The following UVRAG variants were observed in gnomAD, a reference collection of about 807,000 sequenced individuals.
UVRAG encodes UV radiation resistance-associated gene protein.
A neutral mutation model predicts 78.0 loss-of-function variants in UVRAG; 19 were observed. That is an observed-to-expected ratio of 0.24 (90% CI 0.17 to 0.36). The LOEUF (loss-of-function observed/expected upper bound fraction) is 0.36, where lower values mean the gene tolerates loss of function less well. Among genes scored for constraint, UVRAG ranks in the 10% least tolerant of loss-of-function variants. The probability of loss-of-function intolerance (pLI) is 1.00; values close to 1 mark genes in which losing one functional copy is unlikely to be tolerated. For missense variants in UVRAG, 740 were observed against 853.8 expected, an observed-to-expected ratio of 0.87 and a Z score of 1.66; for synonymous variants, 323 against 324.6, an observed-to-expected ratio of 1.00 and a Z score of 0.05.
chr11:76,138,945 A>T (rs903748408), intron 14 of UVRAG, among the ~76,000 whole-genome samples: 3 of 152,238 alleles, frequency 2.0e-5, no homozygotes, highest in Admixed American at 6.5e-5. Flanking sequence ...TTACCCAATT[A>T]TTGTGAATTT....
chr11:75,980,418 G>C lies in UVRAG; in HGVS notation c.700-2969G>C, dbSNP rs144040571. On this transcript the variant is annotated intron_variant, in intron 7 of 14. Coordinates refer to ENST00000356136, the MANE Select transcript of UVRAG (RefSeq NM_003369.4). ...TGGGCTCAAGCAATCCTCCCACCTG[G>C]GCTTCCTAAAGTGCTGAGATTACAG... 2.5e-3 allele frequency among the ~76,000 whole-genome samples: 376 copies of C among 152,158 alleles called. 3 individuals are homozygous for C. Among genetic ancestry groups the C allele is most frequent in the Non-Finnish European group, 4.5e-3 (307 of 67,996 alleles).
chr11:75,949,028 G>T (rs1297694014), intron 6 of UVRAG, among the ~76,000 whole-genome samples: 1 of 152,172 alleles, frequency 6.6e-6, no homozygotes, highest in Non-Finnish European at 1.5e-5. Context: ...GAACAGAATA[G>T]AATTGAGAAG....
chr11:75,958,666 A>T (rs189628965), intron 6 of UVRAG, among the ~76,000 whole-genome samples: 6 of 152,140 alleles, frequency 3.9e-5, no homozygotes, highest in Admixed American at 3.3e-4. Flanking sequence ...GTTAATGTTG[A>T]TATTTTTATC....
chr11:76,068,795 A>T (rs1300580958), intron 13 of UVRAG, among the ~76,000 whole-genome samples: 5 of 152,242 alleles, frequency 3.3e-5, no homozygotes, highest in African/African-American at 4.8e-5. Context: ...TGTAGCAATC[A>T]GGTATTTCCA....
At chr11:76,044,547 A>G (rs147776341) in intron 12 of UVRAG, among the ~76,000 whole-genome samples, 1,559 of 152,278 alleles carry the variant, frequency 0.01, 27 homozygotes, top group African/African-American at 0.036. Context: ...TGAGGCGGGC[A>G]GATTGCCTGA....
chr11:76,021,985 C>T (rs1950253281), intron 12 of UVRAG, among the ~76,000 whole-genome samples: 3 of 151,872 alleles, frequency 2.0e-5, no homozygotes, highest in African/African-American at 4.8e-5. Flanking sequence ...GCCCAGGAGG[C>T]GAAGGCTGCA....
intron 12 of UVRAG, among the ~76,000 whole-genome samples, chr11:76,050,652 G>C (rs1405938184): frequency 6.6e-6 from 1 of 152,092 alleles, no homozygotes; most frequent in African/African-American, 2.4e-5. Flanking sequence ...AAAAGAAAAG[G>C]GAAATCAAGC....
At chr11:76,076,393 G>A (rs1951404444) in intron 13 of UVRAG, among the ~76,000 whole-genome samples, 1 of 152,212 alleles carries the variant, frequency 6.6e-6, no homozygotes, top group African/African-American at 2.4e-5. Flanking sequence ...GCAAGCAAGA[G>A]GGCGTGTGCA....
rs779382234 is a variant in UVRAG, at chr11:75,888,872, A to G, written c.476A>G (p.Asp159Gly). ...AATGAAATAATTTTTGGGCTGAATG[A>G]TGGATACTATGGTGCTCCATTTGAA... ...NQNEIIFGLN[D>G]GYYGAPFEHK... Residue 159 changes from aspartate to glycine, a missense_variant, in exon 5 of 15, where the codon GAT becomes GGT. Coordinates refer to ENST00000356136, the MANE Select transcript of UVRAG (RefSeq NM_003369.4). The G allele has an allele frequency of 1.2e-6, 2 of 1,613,570 alleles. No homozygotes were observed. The highest frequency in any genetic ancestry group is 2.2e-5 in the East Asian group (1 of 44,846).
At chr11:76,022,937 T>A (rs1950271871) in intron 12 of UVRAG, among the ~76,000 whole-genome samples, 3 of 152,134 alleles carry the variant, frequency 2.0e-5, no homozygotes, top group Admixed American at 6.6e-5. Context: ...TTTTATAGAT[T>A]TTTTATGGTT....
Position 75,851,976 on chromosome 11 carries a change from T to C in UVRAG, c.211T>C (p.Cys71Arg), listed in dbSNP as rs141406262. The C allele has an allele frequency of 1.4e-4, 224 of 1,611,746 alleles. 1 individual carries two copies. The African/African-American group carries it at 1.4e-3, about 10-fold the overall frequency. Residue 71 changes from cysteine (C) to arginine (R), a missense_variant, in exon 2 of 15, where the codon TGT becomes CGT. Cys to Arg is a radical substitution (Grantham distance 180, BLOSUM62 -3). Transcript: ENST00000356136. ...LLDTYFTLHL[C>R]STEKIYKEFY... ...TGATACCTACTTTACACTTCACTTG[T>C]GTAGTACTGAAAAGATATATAAAGG...
At chr11:76,094,011 T>C (rs1431185026) in intron 13 of UVRAG, among the ~76,000 whole-genome samples, 1 of 152,234 alleles carries the variant, frequency 6.6e-6, no homozygotes, top group Non-Finnish European at 1.5e-5. Flanking sequence ...TAAATAGCTC[T>C]TATTATTTTG....
At chr11:76,095,078 A>G (rs567143484) in intron 13 of UVRAG, among the ~76,000 whole-genome samples, 56 of 152,280 alleles carry the variant, frequency 3.7e-4, no homozygotes, top group African/African-American at 1.3e-3. Flanking sequence ...TTTGCCCTTA[A>G]TTGTACCTGA....
intron 13 of UVRAG, among the ~76,000 whole-genome samples, chr11:76,084,941 G>A (rs1691507141): frequency 6.6e-6 from 1 of 151,684 alleles, no homozygotes; most frequent in Non-Finnish European, 1.5e-5. Flanking sequence ...GCGGGTGCCT[G>A]TAATCCCAGC....
At chr11:76,002,474 A>T (rs1304767235) in intron 8 of UVRAG, among the ~76,000 whole-genome samples, 1 of 152,120 alleles carries the variant, frequency 6.6e-6, no homozygotes, top group African/African-American at 2.4e-5. Context: ...TGAAGACCAG[A>T]TCTGTCTTTG....
chr11:75,835,823 G>A (rs1046320472), intron 1 of UVRAG, among the ~76,000 whole-genome samples: 4 of 152,140 alleles, frequency 2.6e-5, no homozygotes, highest in African/African-American at 7.2e-5. Context: ...GCCGGGCATG[G>A]TGGCTCACGC....
At chr11:76,106,372 A>AT (rs945823442) in intron 13 of UVRAG, among the ~76,000 whole-genome samples, 78 of 147,010 alleles carry the variant, frequency 5.3e-4, no homozygotes, top group Non-Finnish European at 6.0e-4. Flanking sequence ...AGAAATGCCT[A>AT]TTTTTTTTTT....
At chr11:75,984,915 A>T (rs1219765398) in intron 8 of UVRAG, among the ~76,000 whole-genome samples, 1 of 152,156 alleles carries the variant, frequency 6.6e-6, no homozygotes, top group Non-Finnish European at 1.5e-5. Context: ...GGAACATTAG[A>T]GTTAATGTTT....
At chr11:75,901,020 G>A (rs568622666) in intron 5 of UVRAG, among the ~76,000 whole-genome samples, 14 of 152,234 alleles carry the variant, frequency 9.2e-5, no homozygotes, top group East Asian at 7.7e-4. Context: ...TCTGGGCTTC[G>A]TCAGATCTCA....
Sources: gnomAD v4.1 joint callset for allele counts (sites outside exome capture counted in the v4.1 genomes callset) on GRCh38, gnomAD v4.1.1 for gene constraint, MANE v1.5 for transcripts, NCBI Gene and HGNC (gene_info 2026-07-23, HGNC 2026-07-21) for gene names.